The following IMMP2L variants were observed in gnomAD, a reference collection of about 807,000 sequenced individuals.
IMMP2L encodes mitochondrial inner membrane protease subunit 2.
In IMMP2L, 18 loss-of-function variants were observed where a neutral mutation model predicts 19.3. The observed-to-expected ratio is 0.93, with a 90% CI of 0.64 to 1.38. The LOEUF (loss-of-function observed/expected upper bound fraction) is 1.38, where lower values mean the gene tolerates loss of function less well. Among genes scored for constraint, IMMP2L ranks in the 40% most tolerant of loss-of-function variants. IMMP2L has a pLI of 0.00. For synonymous variants in IMMP2L, 76 were observed against 73.0 expected (o/e 1.04, Z -0.21); for missense variants, 233 against 218.2 (o/e 1.07, Z -0.43).
chr7:110,829,658 C>T (rs193031050), intron 5 of IMMP2L, among the ~76,000 whole-genome samples: 28 of 152,232 alleles, frequency 1.8e-4, no homozygotes, highest in African/African-American at 6.5e-4. Context: ...TACTAAATGG[C>T]ATGAATAGAT....
rs1584741291 is a variant in IMMP2L at position 110,758,593 on chromosome 7, A to ACCGCGGTCACAC, written c.409-94873_409-94872insGTGTGACCGCGG. Among the ~76,000 whole-genome samples the ACCGCGGTCACAC allele has an allele frequency of 2.0e-5, 3 of 152,184 alleles. No homozygotes were observed. The East Asian group carries it at 5.8e-4, about 30-fold the overall frequency. ...GGCATGTGACATTGAGCTATTTAGCAGATAATAATCAATCAATATTGACTT... is the reference window on the plus strand; with the variant it reads ...GGCATGTGACATTGAGCTATTTAGCACCGCGGTCACACGATAATAATCAATCAATATTGACTT... On this transcript the variant is annotated intron_variant, in intron 5 of 5. Coordinates refer to ENST00000405709, the MANE Select transcript of IMMP2L (RefSeq NM_032549.4). The surrounding 1 kb of genome is among the most constrained non-coding windows in gnomAD (Gnocchi z 4.6).
intron 5 of IMMP2L, among the ~76,000 whole-genome samples, chr7:110,805,938 T>C (rs749199205): frequency 3.3e-5 from 5 of 151,988 alleles, no homozygotes; most frequent in Admixed American, 6.6e-5. Flanking sequence ...ATATTTGGCA[T>C]TATCTAGTCT....
chr7:110,786,903 A>G (rs182578440), intron 5 of IMMP2L, among the ~76,000 whole-genome samples: 2 of 152,148 alleles, frequency 1.3e-5, no homozygotes, highest in Admixed American at 6.6e-5. Context: ...ATGAAAAATA[A>G]CACAGCTTTG....
At chr7:111,551,064 A>G (rs1849407013) in intron 1 of IMMP2L, among the ~76,000 whole-genome samples, 1 of 152,178 alleles carries the variant, frequency 6.6e-6, no homozygotes, top group South Asian at 2.1e-4. Context: ...ACATGATGAC[A>G]TTACAAACAT....
At chr7:111,159,247 C>T (rs910200968) in intron 3 of IMMP2L, among the ~76,000 whole-genome samples, 6 of 152,096 alleles carry the variant, frequency 3.9e-5, no homozygotes, top group African/African-American at 1.4e-4. Flanking sequence ...TCCCAAGTAG[C>T]TGGGACTACA....
intron 1 of IMMP2L, among the ~76,000 whole-genome samples, chr7:111,521,778 T>C (rs968846342): frequency 2.6e-5 from 4 of 152,268 alleles, no homozygotes; most frequent in African/African-American, 9.6e-5. Flanking sequence ...AGTTACTCCT[T>C]ATACCCCTGA....
At chr7:110,761,780 G>T (rs1798364050) in intron 5 of IMMP2L, among the ~76,000 whole-genome samples, 1 of 152,138 alleles carries the variant, frequency 6.6e-6, no homozygotes, top group Non-Finnish European at 1.5e-5. Context: ...GCTGTTAATT[G>T]GCAGCTTGAG....
At chr7:111,545,232 G>A (rs1227339040) in intron 1 of IMMP2L, among the ~76,000 whole-genome samples, 1 of 152,146 alleles carries the variant, frequency 6.6e-6, no homozygotes, top group East Asian at 1.9e-4. Context: ...CCTAATGGAT[G>A]TGAGACACAA....
intron 3 of IMMP2L, among the ~76,000 whole-genome samples, chr7:111,091,969 T>C (rs1161380658): frequency 6.6e-6 from 1 of 152,182 alleles, no homozygotes; most frequent in African/African-American, 2.4e-5. Context: ...TCACACATTA[T>C]TCTCTGTTTT....
chr7:110,942,831 T>A (rs1311483877), intron 4 of IMMP2L, among the ~76,000 whole-genome samples: 2 of 151,966 alleles, frequency 1.3e-5, no homozygotes, highest in Non-Finnish European at 2.9e-5. Context: ...TTGTAAGACT[T>A]TTCCATATAC....
At chr7:110,799,729 C>A (rs139827036) in intron 5 of IMMP2L, among the ~76,000 whole-genome samples, 131 of 152,108 alleles carry the variant, frequency 8.6e-4, no homozygotes, top group African/African-American at 2.9e-3. Flanking sequence ...GGAAAATGTT[C>A]AGTGGTAGCC....
At chr7:111,089,472 G>A (rs1586186974) in intron 3 of IMMP2L, among the ~76,000 whole-genome samples, 1 of 152,092 alleles carries the variant, frequency 6.6e-6, no homozygotes, top group East Asian at 1.9e-4. Flanking sequence ...AATAAATCCT[G>A]CAGATACTGA....
intron 3 of IMMP2L, among the ~76,000 whole-genome samples, chr7:111,425,471 A>C (rs892043376): frequency 1.3e-5 from 2 of 151,276 alleles, no homozygotes; most frequent in African/African-American, 2.4e-5. Flanking sequence ...GCATGTTGAA[A>C]GTATTTAGGG....
chr7:110,666,144 C>T (rs146744947), intron 5 of IMMP2L, among the ~76,000 whole-genome samples: 238 of 152,124 alleles, frequency 1.6e-3, no homozygotes, highest in Non-Finnish European at 2.9e-3. Flanking sequence ...CCTTTGGATA[C>T]ATCTCCATCA....
chr7:111,053,355 TGTAG>T (rs1793190150), intron 3 of IMMP2L, among the ~76,000 whole-genome samples: 1 of 152,204 alleles, frequency 6.6e-6, no homozygotes, highest in African/African-American at 2.4e-5. Flanking sequence ...TTACTAGAGT[TGTAG>T]GCAAGCTCAC....
chr7:111,059,643 T>C (rs544911026), intron 3 of IMMP2L, among the ~76,000 whole-genome samples: 1 of 152,210 alleles, frequency 6.6e-6, no homozygotes, highest in Non-Finnish European at 1.5e-5. Context: ...TAATTTTATA[T>C]ATTTTAGCAT....
intron 3 of IMMP2L, among the ~76,000 whole-genome samples, chr7:111,394,116 C>T (rs906992722): frequency 2.6e-5 from 4 of 152,014 alleles, no homozygotes; most frequent in Non-Finnish European, 5.9e-5. Context: ...CAAGATATAT[C>T]TTACAGTCGA....
intron 5 of IMMP2L, among the ~76,000 whole-genome samples, chr7:110,856,917 C>A (rs1806845528): frequency 2.6e-5 from 4 of 152,006 alleles, no homozygotes; most frequent in Admixed American, 2.6e-4. Flanking sequence ...TCATCATTAA[C>A]CTTGATGAAA....
chr7:111,530,137 G>A (rs1339895757), intron 1 of IMMP2L, among the ~76,000 whole-genome samples: 1 of 152,150 alleles, frequency 6.6e-6, no homozygotes, highest in Non-Finnish European at 1.5e-5. Context: ...CAACAGTGTG[G>A]AAATTACTTT....
Sources: allele counts gnomAD v4.1 joint callset (sites outside exome capture counted in the v4.1 genomes callset), GRCh38; gene constraint gnomAD v4.1.1; non-coding constraint Gnocchi (gnomAD v3.1); transcripts MANE v1.5; gene names NCBI Gene and HGNC (gene_info 2026-07-23, HGNC 2026-07-21).